Variants in GREM2 observed in about 807,000 individuals in gnomAD.
GREM2 encodes gremlin 2, DAN family BMP antagonist.
A neutral mutation model predicts 14.2 loss-of-function variants in GREM2; 11 were observed. The observed-to-expected ratio is 0.78, with a 90% CI of 0.49 to 1.28. GREM2 has a LOEUF of 1.28. Among genes scored for constraint, GREM2 ranks in the 50% most tolerant of loss-of-function variants. The probability of loss-of-function intolerance (pLI) is 0.00; values close to 1 mark genes in which losing one functional copy is unlikely to be tolerated. For missense variants in GREM2, 210 were observed against 218.5 expected (o/e 0.96, Z 0.24); for synonymous variants, 98 against 97.6 (o/e 1.00, Z -0.02).
At chr1:240,554,719 T>C (rs1319755183) in intron 1 of GREM2, among the ~76,000 whole-genome samples, 1 of 152,254 alleles carries the variant, frequency 6.6e-6, no homozygotes, top group Non-Finnish European at 1.5e-5. Context: ...TTTTCATGTA[T>C]GCTTAACAGT....
At chr1:240,611,147 TA>T (rs1244545639) in intron 1 of GREM2, among the ~76,000 whole-genome samples, 2 of 152,200 alleles carry the variant, frequency 1.3e-5, no homozygotes, top group East Asian at 3.8e-4. Flanking sequence ...AATATTTTCT[TA>T]CAACTATCAC....
chr1:240,498,228 A>C (rs1375598616), intron 1 of GREM2, among the ~76,000 whole-genome samples: 1 of 152,218 alleles, frequency 6.6e-6, no homozygotes, highest in Non-Finnish European at 1.5e-5. Flanking sequence ...CATCCTTAGA[A>C]GTTAGGTCTC....
intron 1 of GREM2, among the ~76,000 whole-genome samples, chr1:240,498,259 G>A (rs1677477898): frequency 6.6e-6 from 1 of 152,198 alleles, no homozygotes; most frequent in Non-Finnish European, 1.5e-5. Flanking sequence ...AAGCAAAAAT[G>A]CAAACCTTCA....
intron 1 of GREM2, among the ~76,000 whole-genome samples, chr1:240,527,515 C>G (rs1426967599): frequency 6.6e-6 from 1 of 152,160 alleles, no homozygotes; most frequent in African/African-American, 2.4e-5. Context: ...TAATCTGCTT[C>G]TCTGCTGACA....
chr1:240,511,484 C>T (rs978148049), intron 1 of GREM2, among the ~76,000 whole-genome samples: 1 of 152,198 alleles, frequency 6.6e-6, no homozygotes, highest in Non-Finnish European at 1.5e-5. Context: ...GGCCTGTTGG[C>T]TCACGCCTGT....
At chr1:240,512,626 G>A (rs893517824) in intron 1 of GREM2, among the ~76,000 whole-genome samples, 23 of 135,878 alleles carry the variant, frequency 1.7e-4, no homozygotes, top group Non-Finnish European at 2.9e-4. Context: ...CTTCCCTGAC[G>A]CATTGATTTA....
At chr1:240,579,690 G>C (rs1679446676) in intron 1 of GREM2, among the ~76,000 whole-genome samples, 1 of 152,188 alleles carries the variant, frequency 6.6e-6, no homozygotes, top group Admixed American at 6.5e-5. Flanking sequence ...AAAATGCTCA[G>C]GGAGTGCCAA....
rs776198857 is a variant in GREM2, at chr1:240,492,944, G to A, written c.*25C>T. The A allele has an allele frequency of 2.3e-5, 34 of 1,481,906 alleles. No homozygotes were observed. The highest frequency in any genetic ancestry group is 3.0e-5 in the Non-Finnish European group (34 of 1,114,932). The allele number at this position is 1,481,906 out of a possible 1,614,324, so 91.8% of individuals were successfully genotyped here. A position where few individuals can be genotyped will look rare whatever the true frequency, so the allele number is the denominator to read the frequency against. ...CCACCCAGCGGCCGGGCGCGCGCGG[G>A]GCTGAGCTGCGTCCGGCCCGGCGCT... On this transcript the variant is annotated 3_prime_UTR_variant, in exon 2 of 2. Transcript: ENST00000318160.
At chr1:240,584,350 C>T (rs749179979) in intron 1 of GREM2, among the ~76,000 whole-genome samples, 1 of 151,744 alleles carries the variant, frequency 6.6e-6, no homozygotes, top group Non-Finnish European at 1.5e-5. Context: ...CAAAAATTAG[C>T]CAGGCATGCT....
chr1:240,560,384 G>A (rs1679016684), intron 1 of GREM2, among the ~76,000 whole-genome samples: 1 of 152,098 alleles, frequency 6.6e-6, no homozygotes, highest in African/African-American at 2.4e-5. Context: ...CCCAGAAAAC[G>A]TCTCAGGTCT....
chr1:240,538,343 G>A (rs1678518882), intron 1 of GREM2, among the ~76,000 whole-genome samples: 1 of 152,106 alleles, frequency 6.6e-6, no homozygotes, highest in Non-Finnish European at 1.5e-5. Flanking sequence ...CCTGGGAAAA[G>A]GTTTAAAACA....
chr1:240,549,430 A>C (rs1678801985), intron 1 of GREM2, among the ~76,000 whole-genome samples: 1 of 152,190 alleles, frequency 6.6e-6, no homozygotes, highest in African/African-American at 2.4e-5. Context: ...TGGTTAACCT[A>C]AAAAGAGATA....
At chr1:240,555,186 G>C (rs1418302531) in intron 1 of GREM2, among the ~76,000 whole-genome samples, 1 of 151,874 alleles carries the variant, frequency 6.6e-6, no homozygotes, top group Non-Finnish European at 1.5e-5. Context: ...AAAAAGAATT[G>C]TGACCATATT....
intron 1 of GREM2, among the ~76,000 whole-genome samples, chr1:240,587,813 C>T (rs1679626986): frequency 6.6e-6 from 1 of 151,984 alleles, no homozygotes; most frequent in Non-Finnish European, 1.5e-5. Flanking sequence ...GAAAGAACAC[C>T]CTACCTATGC....
intron 1 of GREM2, among the ~76,000 whole-genome samples, chr1:240,544,890 T>C (rs922621570): frequency 6.6e-6 from 1 of 152,202 alleles, no homozygotes; most frequent in Non-Finnish European, 1.5e-5. Flanking sequence ...TATATAGTTC[T>C]CAAAGTTCAA....
rs558867759 is a variant in GREM2 at position 240,552,550 on chromosome 1, G to C, written c.-1-59074C>G. Among the ~76,000 whole-genome samples the C allele has an allele frequency of 3.3e-5, 5 of 152,130 alleles. No homozygotes were observed. The South Asian group carries it at 1.0e-3, about 31-fold the overall frequency. ...TTTGAGATTACAGCGAGCTGTGATC[G>C]GGCCACTGCACTCCAGCAGAGCAAG... On this transcript the variant is annotated intron_variant, in intron 1 of 1. Transcript: ENST00000318160.
intron 1 of GREM2, among the ~76,000 whole-genome samples, chr1:240,561,579 C>T (rs554148835): frequency 1.1e-4 from 17 of 151,886 alleles, no homozygotes; most frequent in Non-Finnish European, 1.9e-4. Flanking sequence ...ATTAAATATT[C>T]CCAGAATCAA....
At chr1:240,601,676 G>A (rs548388784) in intron 1 of GREM2, among the ~76,000 whole-genome samples, 1 of 152,266 alleles carries the variant, frequency 6.6e-6, no homozygotes, top group Non-Finnish European at 1.5e-5. Flanking sequence ...AGAGGCCGAG[G>A]CGGGCATCTC....
intron 1 of GREM2, among the ~76,000 whole-genome samples, chr1:240,507,231 G>A (rs1444451673): frequency 2.0e-5 from 3 of 152,146 alleles, no homozygotes; most frequent in African/African-American, 7.2e-5. Flanking sequence ...GAAACTCAGG[G>A]GAACACCAGC....
Sources: allele counts gnomAD v4.1 joint callset (sites outside exome capture counted in the v4.1 genomes callset), GRCh38; gene constraint gnomAD v4.1.1; transcripts MANE v1.5; gene names NCBI Gene and HGNC (gene_info 2026-07-23, HGNC 2026-07-21).